The following LZTR1 variants were observed in gnomAD, a reference collection of about 807,000 sequenced individuals.
LZTR1 encodes the protein leucine-zipper-like transcriptional regulator 1.
Under a neutral mutation model 105.7 loss-of-function variants are expected in LZTR1, and 260 were observed. The ratio of observed to expected loss-of-function variants is 2.46; its 90% CI spans 2.22 to 2.72. LZTR1 has a LOEUF of 2.72. Ranked by LOEUF, LZTR1 falls within the 30% of genes most tolerant of loss-of-function variation. The pLI is 0.00. For synonymous variants in LZTR1, 490 were observed against 476.4 expected (o/e 1.03, Z -0.37); for missense variants, 1,214 against 1,166.9 (o/e 1.04, Z -0.59).
rs771241129 is a variant in LZTR1 at position 20,983,094 on chromosome 22, G to A, written c.263+5G>A. On this transcript the variant is annotated splice_donor_5th_base_variant and intron_variant, in intron 2 of 20. Coordinates refer to ENST00000646124, the MANE Select transcript of LZTR1 (RefSeq NM_006767.4). Reference sequence around the variant, plus strand: ...TGTATTTGGTGGAGACAATGGGTGAGTGAGTCTCAGCATCAGTGTTTGGAC... The same window carrying A: ...TGTATTTGGTGGAGACAATGGGTGAATGAGTCTCAGCATCAGTGTTTGGAC... 4 of 1,613,140 alleles carry A rather than the reference G, an allele frequency of 2.5e-6. No homozygotes were observed. The Admixed American group carries it at 5.0e-5, about 20-fold the overall frequency.
intron 9 of LZTR1, 93 bp downstream of exon 9, chr22:20,991,922 TG>T (rs763643394): frequency 8.4e-5 from 106 of 1,255,408 alleles, no homozygotes; most frequent in Non-Finnish European, 1.0e-4. Flanking sequence ...TGGGGCCCCC[TG>T]GGGTTCCAGA....
intron 3 of LZTR1, chr22:20,986,376 T>TGATAGATAGATAGATAGATA: frequency 6.9e-6 from 1 of 144,556 alleles, no homozygotes; most frequent in East Asian, 2.0e-4. Context: ...GATAGACAGA[T>TGATAGATAGATAGATAGATA]GATAGATAGA....
At chr22:20,987,869 G>A in intron 4 of LZTR1, 141 bp from the exon 5 acceptor site, 2 of 649,554 alleles carry the variant, frequency 3.1e-6, no homozygotes, top group Non-Finnish European at 5.5e-6. Context: ...GAGGCAGACA[G>A]GCAGCAGGTC....
Position 20,989,518 on chromosome 22 carries a change from C to T in LZTR1, c.594-107C>T, listed in dbSNP as rs927673623. On this transcript the variant is annotated intron_variant, in intron 6 of 20. Transcript: ENST00000646124. ...GCCTCATGGCCGCACAAGTCTCCTA[C>T]CCTGTGTGGGGGTGGGGCTCCTCCC... The T allele has an allele frequency of 5.5e-6, 5 of 905,934 alleles. No homozygotes were observed. In the Admixed American group the frequency reaches 6.8e-5, roughly 12 times the overall value. The allele number at this position is 905,934 out of a possible 1,614,324, so 56.1% of individuals were successfully genotyped here. A position where few individuals can be genotyped will look rare whatever the true frequency, so the allele number is the denominator to read the frequency against.
At chr22:20,986,355 C>G (rs1158698442) in intron 3 of LZTR1, 1 of 155,238 alleles carries the variant, frequency 6.4e-6, no homozygotes, top group Non-Finnish European at 1.4e-5. Flanking sequence ...GAGACCCTGT[C>G]TAGGAAGATA....
At chr22:20,990,615 C>T (rs1716030112) in intron 8 of LZTR1, 90 bp downstream of exon 8, 13 of 1,375,156 alleles carry the variant, frequency 9.5e-6, no homozygotes, top group East Asian at 4.6e-5. Flanking sequence ...ACCTGGTGGC[C>T]ATGGTAACCA....
chr22:20,990,325 G>T, intron 7 of LZTR1, 61 bp from the exon 8 acceptor site: 1 of 1,593,280 alleles, frequency 6.3e-7, no homozygotes, highest in Non-Finnish European at 8.6e-7. Context: ...GCAGTCTCGA[G>T]TGTGGTGAAA....
intron 8 of LZTR1, 76 bp downstream of exon 8, chr22:20,990,601 T>C: frequency 6.9e-7 from 1 of 1,445,028 alleles, no homozygotes; most frequent in Non-Finnish European, 9.5e-7. Flanking sequence ...AGAACGCCTC[T>C]TGCACCTGGT....
Position 20,993,984 on chromosome 22 carries a change from AG to A in LZTR1, c.1416del (p.Lys473ArgfsTer83). 1 of 1,612,266 alleles carries A rather than the reference AG, an allele frequency of 6.2e-7. No individual in the cohort carries two copies. On this transcript the variant is annotated frameshift_variant, in exon 13 of 21. Transcript: ENST00000646124. LOFTEE classifies it high-confidence loss of function. Reference sequence around the variant, plus strand: ...CACAGCGCGGAGCCGCTGGCTTCGCAGGAAGATCACGCAGGCGCGGGAGAGG... The same window carrying A: ...CACAGCGCGGAGCCGCTGGCTTCGCAGAAGATCACGCAGGCGCGGGAGAGG... ...IVTARSRWLR[R>X]KITQARERLA...
Position 20,996,908 on chromosome 22 carries a change from C to A in LZTR1, c.2348C>A (p.Thr783Lys). 1 of 1,612,572 alleles carries A rather than the reference C, an allele frequency of 6.2e-7. No individual in the cohort carries two copies. Among genetic ancestry groups the A allele is most frequent in the Non-Finnish European group, 8.5e-7 (1 of 1,179,130 alleles). ...VLQILEAADK[T>K]QALDMKRHCL... ...CAGATCCTGGAGGCAGCTGACAAAA[C>A]GCAGGCACTGGACATGAAGCGGCAC... Residue 783 changes from threonine (T) to lysine (K), a missense_variant, in exon 20 of 21, where the codon ACG (threonine) becomes AAG (lysine). Transcript: ENST00000646124.
At position 20,982,875 on chromosome 22, in the gene LZTR1, G is replaced by T. The variant is rs112715390; in HGVS notation, c.201-152G>T. On this transcript the variant is annotated intron_variant, in intron 1 of 20. Transcript: ENST00000646124. Reference sequence around the variant, plus strand: ...GGAGCCGTGTCAGGGGTCCTCACTTGCAGGATGATTGGTGTTATCTTAGAA... The same window carrying T: ...GGAGCCGTGTCAGGGGTCCTCACTTTCAGGATGATTGGTGTTATCTTAGAA... 1.1e-4 allele frequency: 73 copies of T among 684,136 alleles called. No homozygotes were observed. The African/African-American group carries it at 1.2e-3, about 11-fold the overall frequency. 42.4% of individuals were successfully genotyped at this position (684,136 alleles called of 1,614,324 possible).
chr22:20,996,586 G>A (rs965133588), intron 18 of LZTR1, 110 bp from the exon 19 acceptor site: 2 of 794,312 alleles, frequency 2.5e-6, no homozygotes, highest in Non-Finnish European at 4.2e-6. Flanking sequence ...TCCATTTGGA[G>A]AGCATGCTGG....
intron 3 of LZTR1, chr22:20,986,115 C>T: frequency 1.7e-6 from 1 of 591,514 alleles, no homozygotes; most frequent in Non-Finnish European, 3.0e-6. Context: ...CCAAGCTGGG[C>T]ACACAGGGCG....
In LZTR1 at chr22:20,996,004, G is replaced by T. The variant is rs747682745; in HGVS notation, c.2111G>T (p.Gly704Val). 6.2e-7 allele frequency: 1 copy of T among 1,613,588 alleles called. No homozygotes were observed. Among genetic ancestry groups the T allele is most frequent in the African/African-American group, 1.3e-5 (1 of 74,898 alleles). ...AMFRSFMPED[G>V]QVNISIGEMV... The stretch of plus-strand genomic sequence containing the variant: ...TTCCGGTCCTTCATGCCCGAAGATG[G>T]GCAGGTGAACATCTCCATCGGGGAG... The change falls in exon 18 of 21, where the codon GGG becomes GTG. Residue 704 changes from glycine to valine, a missense_variant. Transcript: ENST00000646124.
In LZTR1 at chr22:20,991,641, C is replaced by T. The variant is rs1202494761; in HGVS notation, c.805C>T (p.Pro269Ser). The T allele has an allele frequency of 1.3e-6, 2 of 1,596,632 alleles. No homozygotes were observed. The highest frequency in any genetic ancestry group is 8.5e-7 in the Non-Finnish European group (1 of 1,176,376). The change falls in exon 9 of 21, where the codon CCA (proline) becomes TCA (serine). Residue 269 changes from proline (P) to serine (S), a missense_variant. Transcript: ENST00000646124. The part of the protein sequence containing the change: ...EFKDKTWTRI[P>S]TEHLLRGSPP... ...GTGTACCCCCAGGTGGACACGCATC[C>T]CAACTGAACACCTGCTCCGGGGCTC...
At position 20,997,262 on chromosome 22, in the gene LZTR1, A is replaced by G. The variant is rs1311281590; in HGVS notation, c.2437A>G (p.Ser813Gly). The G allele has an allele frequency of 4.3e-6, 7 of 1,613,448 alleles. No individual in the cohort carries two copies. The highest frequency in any genetic ancestry group is 1.6e-4 in the Middle Eastern group (1 of 6,062). The change falls in exon 21 of 21, where the codon AGC (serine) becomes GGC (glycine). Residue 813 changes from serine to glycine, a missense_variant. Physicochemically the swap from Ser to Gly is moderately conservative, Grantham distance 56 (BLOSUM62 0). Coordinates refer to ENST00000646124, the MANE Select transcript of LZTR1 (RefSeq NM_006767.4). ...VSKLPTLRSLSQQLLLDIIDS... is the reference protein window; with the variant it reads ...VSKLPTLRSLGQQLLLDIIDS... ...CAAGTTGCCCACCCTGCGGTCGCTG[A>G]GCCAGCAGCTGCTGCTGGACATCAT...
At chr22:20,990,741 G>T in intron 8 of LZTR1, 1 of 542,040 alleles carries the variant, frequency 1.8e-6, no homozygotes, top group Non-Finnish European at 3.2e-6. Context: ...TGGCGAGGAG[G>T]CCCCTGGCTA....
chr22:20,992,711 C>T (rs901425819), intron 10 of LZTR1, 83 bp from the exon 11 acceptor site: 49 of 917,038 alleles, frequency 5.3e-5, no homozygotes, highest in Admixed American at 2.1e-4. Context: ...TGAGGTGCCG[C>T]ATCCTTGCCT....
In LZTR1 at chr22:20,988,060, G is replaced by A; in HGVS notation, c.451G>A (p.Asp151Asn). 6.2e-7 allele frequency: 1 copy of A among 1,613,462 alleles called. No homozygotes were observed. The highest frequency in any genetic ancestry group is 1.1e-5 in the South Asian group (1 of 91,040). The change falls in exon 5 of 21, where the codon GAC (aspartate) becomes AAC (asparagine). Residue 151 changes from aspartate (D) to asparagine (N), a missense_variant. Asp to Asn is a conservative substitution (Grantham distance 23, BLOSUM62 1). Transcript: ENST00000646124. ...CAATTCTAACTTGAAGAATAAAAAC[G>A]ACCTCTTTGAATACAAGTTTGCAAC... Reference protein sequence around the residue: ...YSNSNLKNKNDLFEYKFATGQ... With the variant: ...YSNSNLKNKNNLFEYKFATGQ...
Sources: gnomAD v4.1 joint callset for allele counts on GRCh38, gnomAD v4.1.1 for gene constraint, MANE v1.5 for transcripts, NCBI Gene and HGNC (gene_info 2026-07-23, HGNC 2026-07-21) for gene names.